MBOAT2: variants seen among roughly 807,000 people sequenced by gnomAD.
MBOAT2 encodes membrane-bound glycerophospholipid O-acyltransferase 2.
A neutral mutation model predicts 63.4 loss-of-function variants in MBOAT2; 28 were observed. That is an observed-to-expected ratio of 0.44 (90% confidence interval 0.33 to 0.61). The LOEUF is 0.61. Ranked by LOEUF, MBOAT2 falls within the 20% of genes least tolerant of loss-of-function variation. The probability of loss-of-function intolerance (pLI) is 0.03; values close to 1 mark genes in which losing one functional copy is unlikely to be tolerated. For missense variants in MBOAT2, 470 were observed against 605.8 expected (o/e 0.78, Z 2.35); for synonymous variants, 211 against 215.6 (o/e 0.98, Z 0.19).
chr2:8,903,441 T>C (rs1026673196), intron 4 of MBOAT2, among the ~76,000 whole-genome samples: 5 of 152,242 alleles, frequency 3.3e-5, no homozygotes, highest in Admixed American at 2.0e-4. Flanking sequence ...CTCTAAGATA[T>C]ATCCTTGATG....
chr2:8,960,537 G>A (rs903800713), intron 1 of MBOAT2, among the ~76,000 whole-genome samples: 1 of 151,528 alleles, frequency 6.6e-6, no homozygotes, highest in Non-Finnish European at 1.5e-5. Context: ...TAAGCAGGGC[G>A]GGCAGCATTT....
chr2:8,870,726 T>C (rs775385937), intron 8 of MBOAT2, among the ~76,000 whole-genome samples: 21 of 152,220 alleles, frequency 1.4e-4, no homozygotes, highest in Non-Finnish European at 2.5e-4. Flanking sequence ...CAAGTATTTA[T>C]TGCATGGAAT....
At chr2:8,863,023 G>T (rs910227132) in intron 10 of MBOAT2, among the ~76,000 whole-genome samples, 1 of 152,008 alleles carries the variant, frequency 6.6e-6, no homozygotes, top group African/African-American at 2.4e-5. Flanking sequence ...TACAAAAAGA[G>T]TAAGGTTGCT....
chr2:8,902,194 T>C lies in MBOAT2; in HGVS notation c.395+6427A>G, dbSNP rs532710187. ...GAAAGCCTGACACCCGTGTCCGTAG[T>C]CCAGCGGCCGTGCTAGTCGCTTTTA... On this transcript the variant is annotated intron_variant, in intron 4 of 12. Transcript: ENST00000305997. Among the ~76,000 whole-genome samples the C allele has an allele frequency of 2.0e-4, 30 of 152,324 alleles. No individual in the cohort carries two copies. In the South Asian group the frequency reaches 6.0e-3, roughly 30 times the overall value.
chr2:8,890,915 G>A (rs1056347441), intron 4 of MBOAT2, among the ~76,000 whole-genome samples: 1 of 152,166 alleles, frequency 6.6e-6, no homozygotes, highest in South Asian at 2.1e-4. Context: ...TCTCCCATCT[G>A]TTCTTTCTCA....
chr2:8,939,778 C>A (rs1667918312), intron 3 of MBOAT2, among the ~76,000 whole-genome samples: 1 of 152,178 alleles, frequency 6.6e-6, no homozygotes, highest in Non-Finnish European at 1.5e-5. Context: ...GCAAACGGTT[C>A]TAAAACATCA....
chr2:8,909,692 T>C (rs1665570978), intron 3 of MBOAT2, among the ~76,000 whole-genome samples: 1 of 152,256 alleles, frequency 6.6e-6, no homozygotes, highest in Non-Finnish European at 1.5e-5. Flanking sequence ...TTTTGAATTA[T>C]TCCTGAGCAA....
intron 4 of MBOAT2, among the ~76,000 whole-genome samples, chr2:8,903,674 C>T (rs1205243349): frequency 6.6e-6 from 1 of 152,152 alleles, no homozygotes; most frequent in Non-Finnish European, 1.5e-5. Flanking sequence ...GCCTAGCTTT[C>T]CCCACGGATT....
At chr2:8,933,608 CTT>C (rs1667470787) in intron 3 of MBOAT2, among the ~76,000 whole-genome samples, 1 of 152,182 alleles carries the variant, frequency 6.6e-6, no homozygotes, top group Non-Finnish European at 1.5e-5. Flanking sequence ...TCCCAAAGCA[CTT>C]GGGGTTACAG....
intron 2 of MBOAT2, among the ~76,000 whole-genome samples, chr2:8,952,612 A>G (rs952423508): frequency 5.3e-5 from 8 of 152,352 alleles, no homozygotes; most frequent in Middle Eastern, 6.8e-3. Context: ...TTGCACATGT[A>G]CACACTAGGA....
intron 3 of MBOAT2, among the ~76,000 whole-genome samples, chr2:8,916,409 G>C (rs1214319921): frequency 1.3e-5 from 2 of 152,152 alleles, no homozygotes; most frequent in Non-Finnish European, 2.9e-5. Context: ...CATTGCATAA[G>C]AACTGTTGAA....
chr2:8,987,794 C>A (rs1339984822), intron 1 of MBOAT2, among the ~76,000 whole-genome samples: 2 of 152,052 alleles, frequency 1.3e-5, no homozygotes, highest in Non-Finnish European at 2.9e-5. Flanking sequence ...TCAGTATGAG[C>A]CCAATTTTGT....
chr2:8,966,080 C>T (rs1203250040), intron 1 of MBOAT2, among the ~76,000 whole-genome samples: 1 of 152,130 alleles, frequency 6.6e-6, no homozygotes, highest in Non-Finnish European at 1.5e-5. Flanking sequence ...CCAAGGTGAA[C>T]AGCCAGTCTT....
chr2:8,942,086 A>G (rs1668093310), intron 3 of MBOAT2, among the ~76,000 whole-genome samples: 1 of 152,226 alleles, frequency 6.6e-6, no homozygotes, highest in Non-Finnish European at 1.5e-5. Flanking sequence ...TTCTCTTCTT[A>G]TAAAAATAAA....
chr2:8,970,646 G>T (rs1315547722), intron 1 of MBOAT2, among the ~76,000 whole-genome samples: 3 of 152,094 alleles, frequency 2.0e-5, no homozygotes, highest in African/African-American at 4.8e-5. Context: ...AAGAAGAAAT[G>T]AGAGAAGAAT....
At chr2:8,963,694 A>G (rs1314911082) in intron 1 of MBOAT2, among the ~76,000 whole-genome samples, 1 of 152,272 alleles carries the variant, frequency 6.6e-6, no homozygotes, top group Non-Finnish European at 1.5e-5. Context: ...ACCAAGAAAT[A>G]CTAGTAAGTG....
At chr2:8,963,684 A>G (rs1669787779) in intron 1 of MBOAT2, among the ~76,000 whole-genome samples, 1 of 152,246 alleles carries the variant, frequency 6.6e-6, no homozygotes, top group African/African-American at 2.4e-5. Context: ...ATGGAAGATT[A>G]CCAAGAAATA....
intron 1 of MBOAT2, among the ~76,000 whole-genome samples, chr2:8,987,453 C>T (rs114419690): frequency 1.3e-5 from 2 of 152,218 alleles, no homozygotes; most frequent in South Asian, 2.1e-4. Flanking sequence ...AAGTTACATT[C>T]GATTAAAATT....
intron 1 of MBOAT2, among the ~76,000 whole-genome samples, chr2:8,984,076 T>G (rs898652735): frequency 6.6e-6 from 1 of 152,180 alleles, no homozygotes; most frequent in Non-Finnish European, 1.5e-5. Context: ...CTGACTTTTA[T>G]GAGGTCCCAT....
Sources: allele counts gnomAD v4.1 joint callset (sites outside exome capture counted in the v4.1 genomes callset), GRCh38; gene constraint gnomAD v4.1.1; transcripts MANE v1.5; gene names NCBI Gene and HGNC (gene_info 2026-07-23, HGNC 2026-07-21).